Variants in DCC observed in about 807,000 individuals in gnomAD.
DCC encodes DCC netrin 1 receptor, also known as netrin receptor DCC.
DCC carries 58 observed loss-of-function variants against 172.5 expected under a neutral mutation model. That is an observed-to-expected ratio of 0.34 (90% confidence interval 0.27 to 0.42). The LOEUF (loss-of-function observed/expected upper bound fraction) is 0.42, where lower values mean the gene tolerates loss of function less well. Ranked by LOEUF, DCC falls within the 10% of genes least tolerant of loss-of-function variation. The pLI, the probability that DCC is intolerant of heterozygous loss-of-function variation, is 1.00. For missense variants in DCC, 1,740 were observed against 1,791.0 expected, an observed-to-expected ratio of 0.97 and a Z score of 0.51; for synonymous variants, 709 against 644.5, an observed-to-expected ratio of 1.10 and a Z score of -1.52.
intron 23 of DCC, among the ~76,000 whole-genome samples, chr18:53,454,078 C>CT (rs1371198426): frequency 2.0e-5 from 3 of 152,272 alleles, no homozygotes; most frequent in Admixed American, 1.3e-4. Context: ...AAACTTAAGG[C>CT]TGGACACACC....
intron 5 of DCC, among the ~76,000 whole-genome samples, chr18:53,060,202 T>C (rs62097952): frequency 1.9e-4 from 28 of 145,014 alleles, no homozygotes; most frequent in African/African-American, 5.8e-4. Context: ...GTTGTTGTTG[T>C]TGCTGCTGTT....
At chr18:53,270,298 T>C (rs2056734175) in intron 12 of DCC, among the ~76,000 whole-genome samples, 1 of 152,170 alleles carries the variant, frequency 6.6e-6, no homozygotes, top group Non-Finnish European at 1.5e-5. Flanking sequence ...GAAAGATGCT[T>C]TGAAGATGGT....
intron 12 of DCC, among the ~76,000 whole-genome samples, chr18:53,262,833 A>G (rs1241608530): frequency 6.6e-6 from 1 of 152,232 alleles, no homozygotes; most frequent in East Asian, 1.9e-4. Flanking sequence ...CAGCTAATAA[A>G]ATATTTAACT....
chr18:52,545,725 G>A (rs1394403448), intron 1 of DCC, among the ~76,000 whole-genome samples: 8 of 152,158 alleles, frequency 5.3e-5, no homozygotes, highest in African/African-American at 1.9e-4. Context: ...TTCATGGGAA[G>A]ATTATTCATA....
intron 1 of DCC, among the ~76,000 whole-genome samples, chr18:52,683,550 A>AAAAAGTCTAT (rs1320270374): frequency 7.9e-5 from 12 of 152,118 alleles, no homozygotes; most frequent in African/African-American, 2.2e-4. Context: ...ATATTTTAAC[A>AAAAAGTCTAT]ATATCTAAAC....
At chr18:52,476,615 C>G (rs1989101707) in intron 1 of DCC, among the ~76,000 whole-genome samples, 1 of 152,124 alleles carries the variant, frequency 6.6e-6, no homozygotes, top group African/African-American at 2.4e-5. Flanking sequence ...TGTGGTGTCT[C>G]TAAGACACTG....
At chr18:52,412,762 C>A (rs1986886144) in intron 1 of DCC, among the ~76,000 whole-genome samples, 1 of 152,044 alleles carries the variant, frequency 6.6e-6, no homozygotes, top group Admixed American at 6.6e-5. Context: ...TTTCACATAC[C>A]TTTGATAGAC....
At chr18:53,290,484 C>T (rs888983831) in intron 12 of DCC, among the ~76,000 whole-genome samples, 14 of 152,086 alleles carry the variant, frequency 9.2e-5, no homozygotes, top group African/African-American at 3.4e-4. Context: ...CTCATAAATA[C>T]ATTGTAATGT....
Position 52,906,185 on chromosome 18 carries a change from G to A in DCC, c.554G>A (p.Gly185Asp). ...KNQQDLTPIPGDSRVVVLPSG... is the reference protein window; with the variant it reads ...KNQQDLTPIPDDSRVVVLPSG... Reference sequence around the variant, plus strand: ...CAACAAGACCTGACTCCAATCCCAGGTGACTCCCGAGTGGTGGTCTTGCCC... The same window carrying A: ...CAACAAGACCTGACTCCAATCCCAGATGACTCCCGAGTGGTGGTCTTGCCC... The change falls in exon 3 of 29, where the codon GGT becomes GAT. Residue 185 changes from glycine to aspartate, a missense_variant. This residue lies in a region of DCC where 1,732 missense variants were observed against 1,767.4 expected (regional missense o/e 0.98). Transcript: ENST00000442544. The A allele has an allele frequency of 6.2e-7, 1 of 1,614,056 alleles. No homozygotes were observed. The highest frequency in any genetic ancestry group is 8.5e-7 in the Non-Finnish European group (1 of 1,180,010).
At chr18:52,361,808 G>T (rs1272825085) in intron 1 of DCC, among the ~76,000 whole-genome samples, 1 of 152,182 alleles carries the variant, frequency 6.6e-6, no homozygotes, top group Non-Finnish European at 1.5e-5. Flanking sequence ...TATTCTAAGA[G>T]CTGTGAGTTA....
intron 7 of DCC, among the ~76,000 whole-genome samples, chr18:53,094,723 G>C (rs1158169930): frequency 2.0e-5 from 3 of 152,130 alleles, no homozygotes; most frequent in Non-Finnish European, 2.9e-5. Flanking sequence ...TTTCTACTCT[G>C]AATGTCTCCA....
chr18:52,807,831 G>A (rs9947544), intron 2 of DCC, among the ~76,000 whole-genome samples: 14,147 of 152,128 alleles, frequency 0.093, 745 homozygotes, highest in South Asian at 0.19. Context: ...GTGATTTTAC[G>A]TTTTCTTATT....
At position 52,416,390 on chromosome 18, in the gene DCC, C is replaced by T. The variant is rs1238185; in HGVS notation, c.91+75512C>T. Among the ~76,000 whole-genome samples, 206 of 151,864 alleles carry T rather than the reference C, an allele frequency of 1.4e-3. 2 individuals are homozygous for T. Among genetic ancestry groups the T allele is most frequent in the African/African-American group, 4.3e-3 (179 of 41,432 alleles). On this transcript the variant is annotated intron_variant, in intron 1 of 28. Coordinates refer to ENST00000442544, the MANE Select transcript of DCC (RefSeq NM_005215.4). ...GAGTTCTGTAGATGTCTATTAGGTC[C>T]GCTTGGTGCAGAGCTGAGTTCAATT...
At chr18:53,279,207 T>C (rs1462771770) in intron 12 of DCC, among the ~76,000 whole-genome samples, 2 of 152,108 alleles carry the variant, frequency 1.3e-5, no homozygotes, top group East Asian at 1.9e-4. Context: ...CGTATGCTTA[T>C]TGTGGCACTA....
intron 7 of DCC, among the ~76,000 whole-genome samples, chr18:53,134,086 A>C (rs1023410860): frequency 7.2e-5 from 11 of 152,164 alleles, no homozygotes; most frequent in African/African-American, 2.7e-4. Flanking sequence ...TCATGACTGC[A>C]AAAAGGACAA....
At chr18:52,846,839 G>A (rs1015820254) in intron 2 of DCC, among the ~76,000 whole-genome samples, 8 of 152,108 alleles carry the variant, frequency 5.3e-5, no homozygotes, top group Non-Finnish European at 7.3e-5. Flanking sequence ...TTATGTGATG[G>A]ATATTCACCA....
chr18:53,214,975 A>G (rs2055824848), intron 11 of DCC, among the ~76,000 whole-genome samples: 1 of 152,210 alleles, frequency 6.6e-6, no homozygotes. Context: ...TTGCTAATAG[A>G]ATTGACTCAT....
At chr18:53,045,924 A>G (rs1461603922) in intron 5 of DCC, among the ~76,000 whole-genome samples, 1 of 151,882 alleles carries the variant, frequency 6.6e-6, no homozygotes, top group Non-Finnish European at 1.5e-5. Context: ...TGGGCAGGAA[A>G]CCATTCAAGT....
At chr18:52,567,341 A>G (rs1045471529) in intron 1 of DCC, among the ~76,000 whole-genome samples, 1 of 152,110 alleles carries the variant, frequency 6.6e-6, no homozygotes, top group Non-Finnish European at 1.5e-5. Context: ...ATCTTTAGCC[A>G]TTATTATAAG....
Sources: gnomAD v4.1 joint callset for allele counts (sites outside exome capture counted in the v4.1 genomes callset) on GRCh38, gnomAD v4.1.1 for gene constraint, gnomAD v4.1.1 regional missense constraint, MANE v1.5 for transcripts, NCBI Gene and HGNC (gene_info 2026-07-23, HGNC 2026-07-21) for gene names.